The following ADAMTS6 variants were observed in gnomAD, a reference collection of about 807,000 sequenced individuals.
ADAMTS6 encodes ADAM metallopeptidase with thrombospondin type 1 motif 6, also known as A disintegrin and metalloproteinase with thrombospondin motifs 6.
In ADAMTS6, 23 loss-of-function variants were observed where a neutral mutation model predicts 144.3. That is an observed-to-expected ratio of 0.16 (90% CI 0.11 to 0.23). ADAMTS6 has a LOEUF of 0.23. Among genes scored for constraint, ADAMTS6 ranks in the 10% least tolerant of loss-of-function variants. The pLI, the probability that ADAMTS6 is intolerant of heterozygous loss-of-function variation, is 1.00. For missense variants in ADAMTS6, 999 were observed against 1,379.6 expected (o/e 0.72, Z 4.37); for synonymous variants, 444 against 457.5 (o/e 0.97, Z 0.38).
At chr5:65,161,359 A>G (rs1274300147) in intron 24 of ADAMTS6, among the ~76,000 whole-genome samples, 3 of 152,154 alleles carry the variant, frequency 2.0e-5, no homozygotes, top group Admixed American at 6.5e-5. Context: ...TTTGAAATCT[A>G]TGTTATCCGT....
chr5:65,433,444 T>C (rs1757148359), intron 7 of ADAMTS6, among the ~76,000 whole-genome samples: 2 of 152,132 alleles, frequency 1.3e-5, no homozygotes, highest in South Asian at 4.1e-4. Flanking sequence ...ATCCACTTAT[T>C]TTCCATTATG....
rs368982923 is a variant in ADAMTS6 at position 65,305,049 on chromosome 5, CA to C, written c.1224-4919del. ...ACCATTGTATGACAGCTATATAAGA[CA>C]ATATATTTTGTTCTTAGGAAATACA... On this transcript the variant is annotated intron_variant, in intron 9 of 24. Coordinates refer to ENST00000381055, the MANE Select transcript of ADAMTS6 (RefSeq NM_197941.4). Among the ~76,000 whole-genome samples, 1,489 of 151,462 alleles carry C rather than the reference CA, an allele frequency of 9.8e-3. 26 individuals are homozygous for C. Among genetic ancestry groups the C allele is most frequent in the African/African-American group, 0.034 (1,398 of 41,276 alleles).
intron 3 of ADAMTS6, among the ~76,000 whole-genome samples, chr5:65,461,191 T>G (rs1045389280): frequency 1.4e-4 from 22 of 152,162 alleles, no homozygotes; most frequent in Admixed American, 1.3e-4. Flanking sequence ...CCAAATGGAG[T>G]AGCTTCACCC....
At chr5:65,278,944 T>A (rs1410014590) in intron 11 of ADAMTS6, among the ~76,000 whole-genome samples, 1 of 26,040 alleles carries the variant, frequency 3.8e-5, no homozygotes, top group African/African-American at 4.5e-4. Flanking sequence ...CTTTACAGTC[T>A]TTTTTTTTTT....
intron 7 of ADAMTS6, among the ~76,000 whole-genome samples, chr5:65,411,118 G>T (rs1008252521): frequency 2.6e-5 from 4 of 152,160 alleles, no homozygotes; most frequent in African/African-American, 9.7e-5. Context: ...AATTACAGGT[G>T]TGAGCCACTG....
intron 14 of ADAMTS6, among the ~76,000 whole-genome samples, chr5:65,249,146 C>T (rs1044990821): frequency 6.6e-6 from 1 of 152,020 alleles, no homozygotes; most frequent in South Asian, 2.1e-4. Context: ...ATTATATTGC[C>T]TCTCTAAAAG....
At chr5:65,359,280 A>G (rs1749611318) in intron 7 of ADAMTS6, among the ~76,000 whole-genome samples, 1 of 152,202 alleles carries the variant, frequency 6.6e-6, no homozygotes, top group Non-Finnish European at 1.5e-5. Flanking sequence ...AACAAGGTAC[A>G]CAAATGGCCA....
rs370392258 is a variant in ADAMTS6, at chr5:65,346,434, A to G, written c.1074-12349T>C. ...ATTTGACAAAACTGAATAATCTTTCATGGTAAAAATTCTCAACAAATTAGG... is the reference window on the plus strand; with the variant it reads ...ATTTGACAAAACTGAATAATCTTTCGTGGTAAAAATTCTCAACAAATTAGG... On this transcript the variant is annotated intron_variant, in intron 7 of 24. Coordinates refer to ENST00000381055, the MANE Select transcript of ADAMTS6 (RefSeq NM_197941.4). Among the ~76,000 whole-genome samples, 24 of 151,996 alleles carry G rather than the reference A, an allele frequency of 1.6e-4. No individual in the cohort carries two copies. In the East Asian group the frequency reaches 3.7e-3, roughly 23 times the overall value.
At chr5:65,205,492 T>C (rs906806219) in intron 20 of ADAMTS6, among the ~76,000 whole-genome samples, 2 of 152,186 alleles carry the variant, frequency 1.3e-5, no homozygotes, top group Admixed American at 1.3e-4. Flanking sequence ...TACTACATAT[T>C]TTCTAATAAT....
At chr5:65,459,026 C>CT (rs572234510) in intron 4 of ADAMTS6, among the ~76,000 whole-genome samples, 38 of 148,326 alleles carry the variant, frequency 2.6e-4, no homozygotes, top group Middle Eastern at 3.5e-3. Flanking sequence ...TCATTTTCGT[C>CT]TTTTTTTTTT....
intron 7 of ADAMTS6, among the ~76,000 whole-genome samples, chr5:65,355,476 C>T (rs1749231080): frequency 6.6e-6 from 1 of 151,828 alleles, no homozygotes; most frequent in Non-Finnish European, 1.5e-5. Context: ...CCACATCTGG[C>T]ATTACTGAAA....
At chr5:65,333,673 C>T (rs965998818) in intron 8 of ADAMTS6, among the ~76,000 whole-genome samples, 3 of 151,226 alleles carry the variant, frequency 2.0e-5, no homozygotes, top group African/African-American at 7.3e-5. Flanking sequence ...CATTTACTCT[C>T]ACAATCTTGG....
At chr5:65,414,939 A>C (rs1053855784) in intron 7 of ADAMTS6, among the ~76,000 whole-genome samples, 1 of 152,200 alleles carries the variant, frequency 6.6e-6, no homozygotes, top group African/African-American at 2.4e-5. Context: ...GATTTCTGAG[A>C]TATGACACTA....
In ADAMTS6 at chr5:65,260,666, G is replaced by A; in HGVS notation, c.1767-3C>T. On this transcript the variant is annotated splice_polypyrimidine_tract_variant and splice_region_variant and intron_variant, in intron 13 of 24. Transcript: ENST00000381055. ...AATATTTTCCACCTCCTGAAGGTCT[G>A]AAAAAACATTGTGTTTAAAATGTGA... The A allele has an allele frequency of 6.2e-7, 1 of 1,612,012 alleles. No homozygotes were observed. The highest frequency in any genetic ancestry group is 2.2e-5 in the East Asian group (1 of 44,700).
intron 7 of ADAMTS6, among the ~76,000 whole-genome samples, chr5:65,344,387 T>A (rs1748126765): frequency 6.6e-6 from 1 of 152,000 alleles, no homozygotes; most frequent in Non-Finnish European, 1.5e-5. Context: ...TATTACTATA[T>A]TTCTATACAT....
chr5:65,295,527 GTAGAA>G (rs1028291375), intron 10 of ADAMTS6, among the ~76,000 whole-genome samples: 1 of 152,024 alleles, frequency 6.6e-6, no homozygotes, highest in African/African-American at 2.4e-5. Flanking sequence ...ATTATTAAAT[GTAGAA>G]TAGTGTTAGT....
At chr5:65,409,884 C>T (rs146319657) in intron 7 of ADAMTS6, among the ~76,000 whole-genome samples, 1 of 152,086 alleles carries the variant, frequency 6.6e-6, no homozygotes, top group Non-Finnish European at 1.5e-5. Context: ...TAAACAGAAC[C>T]AAAGACAAAA....
intron 18 of ADAMTS6, among the ~76,000 whole-genome samples, chr5:65,220,087 G>C (rs1757209434): frequency 6.6e-6 from 1 of 152,074 alleles, no homozygotes; most frequent in African/African-American, 2.4e-5. Context: ...TTCTTCTCAA[G>C]TGCACATGTG....
In ADAMTS6 at chr5:65,329,476, G is replaced by A. The variant is rs748290883; in HGVS notation, c.1125C>T (p.Ala375=). ...CAGGCTCACACATTCCAGCCACAGA[G>A]GCCAAGCCTGAATAAACAGAAAGAG... ...KNKPCGTLGL[A]SVAGMCEPER... is the part of the protein sequence containing the mutation. Residue 375 remains alanine, a synonymous_variant, in exon 9 of 25, where the codon GCC becomes GCT. Transcript: ENST00000381055. 7.5e-6 allele frequency: 12 copies of A among 1,610,136 alleles called. No homozygotes were observed. The Admixed American group carries it at 1.2e-4, about 16-fold the overall frequency.
Sources: gnomAD v4.1 joint callset for allele counts (sites outside exome capture counted in the v4.1 genomes callset) on GRCh38, gnomAD v4.1.1 for gene constraint, MANE v1.5 for transcripts, NCBI Gene and HGNC (gene_info 2026-07-23, HGNC 2026-07-21) for gene names.